TRAPPC9: variants seen among roughly 807,000 people sequenced by gnomAD.
The protein encoded by TRAPPC9 is IKK2 binding protein.
A neutral mutation model predicts 124.0 loss-of-function variants in TRAPPC9; 83 were observed. The observed-to-expected ratio is 0.67, with a 90% CI of 0.56 to 0.80. The LOEUF is 0.80. Ranked by LOEUF, TRAPPC9 falls within the 30% of genes least tolerant of loss-of-function variation. The pLI is 0.00. For missense variants in TRAPPC9, 1,302 were observed against 1,508.3 expected (o/e 0.86, Z 2.27); for synonymous variants, 638 against 617.5 (o/e 1.03, Z -0.49).
At chr8:140,056,618 G>T (rs926158465) in intron 17 of TRAPPC9, among the ~76,000 whole-genome samples, 4 of 151,534 alleles carry the variant, frequency 2.6e-5, no homozygotes, top group Admixed American at 2.0e-4. Context: ...ACAAGCAGAA[G>T]AATAAAATTG....
chr8:140,123,915 T>A (rs1290181982), intron 17 of TRAPPC9, among the ~76,000 whole-genome samples: 1 of 152,116 alleles, frequency 6.6e-6, no homozygotes, highest in African/African-American at 2.4e-5. Flanking sequence ...AGCCTCCAAA[T>A]CTCAGTGGCT....
At chr8:140,368,559 G>A (rs1001093124) in intron 8 of TRAPPC9, among the ~76,000 whole-genome samples, 4 of 152,140 alleles carry the variant, frequency 2.6e-5, no homozygotes, top group African/African-American at 7.2e-5. Flanking sequence ...TCTGCTTCAC[G>A]CAGGGCCTTA....
chr8:140,082,384 C>T (rs1328499989), intron 17 of TRAPPC9, among the ~76,000 whole-genome samples: 6 of 152,032 alleles, frequency 3.9e-5, no homozygotes, highest in Admixed American at 6.6e-5. Context: ...AATATAACTC[C>T]ATCCCAGCTT....
chr8:139,995,910 A>T (rs2131749542), intron 18 of TRAPPC9, among the ~76,000 whole-genome samples: 1 of 151,018 alleles, frequency 6.6e-6, no homozygotes, highest in East Asian at 1.9e-4. Flanking sequence ...CAGTATTCAA[A>T]CAAGATCCCA....
intron 10 of TRAPPC9, among the ~76,000 whole-genome samples, chr8:140,301,404 G>C (rs535167032): frequency 1.2e-4 from 18 of 152,314 alleles, no homozygotes; most frequent in African/African-American, 4.3e-4. Flanking sequence ...TTCTTAGTTT[G>C]GGTACTATTA....
chr8:140,402,522 C>A (rs1420155442), intron 6 of TRAPPC9, among the ~76,000 whole-genome samples: 1 of 151,832 alleles, frequency 6.6e-6, no homozygotes, highest in Non-Finnish European at 1.5e-5. Flanking sequence ...GGTAAAACCC[C>A]ATCTCTACAA....
At chr8:139,834,016 C>T (rs1397309338) in intron 21 of TRAPPC9, among the ~76,000 whole-genome samples, 2 of 152,298 alleles carry the variant, frequency 1.3e-5, no homozygotes, top group African/African-American at 4.8e-5. Context: ...CTACCAGCCA[C>T]GTGGCTTTGG....
chr8:140,261,784 G>C (rs939537443), intron 15 of TRAPPC9, among the ~76,000 whole-genome samples: 29 of 152,268 alleles, frequency 1.9e-4, no homozygotes, highest in Admixed American at 1.0e-3. Flanking sequence ...CCGCCCACCA[G>C]GCTTCCCCAT....
intron 17 of TRAPPC9, among the ~76,000 whole-genome samples, chr8:140,130,450 C>T (rs553348588): frequency 2.6e-4 from 40 of 152,232 alleles, no homozygotes; most frequent in Non-Finnish European, 5.1e-4. Context: ...CAGAACCTGA[C>T]TCTTGTCATG....
chr8:139,869,903 A>G (rs1026528020), intron 21 of TRAPPC9, among the ~76,000 whole-genome samples: 3 of 152,214 alleles, frequency 2.0e-5, no homozygotes, highest in African/African-American at 7.2e-5. Flanking sequence ...CATGGAAAAG[A>G]GTAGAAACAG....
At chr8:140,424,684 GAA>G (rs1409206149) in intron 5 of TRAPPC9, among the ~76,000 whole-genome samples, 1 of 149,366 alleles carries the variant, frequency 6.7e-6, no homozygotes, top group African/African-American at 2.5e-5. Flanking sequence ...AAAAACACAA[GAA>G]AAAAGAGTTT....
At chr8:140,383,198 C>T (rs931171993) in intron 7 of TRAPPC9, among the ~76,000 whole-genome samples, 4 of 152,190 alleles carry the variant, frequency 2.6e-5, no homozygotes, top group Admixed American at 2.6e-4. Flanking sequence ...GTAGAAAAAA[C>T]CACAAAGATG....
At chr8:139,806,260 T>C (rs1244794958) in intron 21 of TRAPPC9, 1 of 152,228 alleles carries the variant, frequency 6.6e-6, no homozygotes, top group Non-Finnish European at 1.5e-5. Flanking sequence ...GGTCACACAG[T>C]CTCCGCCCCT....
intron 7 of TRAPPC9, among the ~76,000 whole-genome samples, chr8:140,380,226 T>C (rs2068561625): frequency 6.6e-6 from 1 of 152,334 alleles, no homozygotes; most frequent in East Asian, 1.9e-4. Flanking sequence ...AGTGTGGTAC[T>C]GGCATAAGTA....
At chr8:139,939,511 C>A (rs895775361) in intron 19 of TRAPPC9, among the ~76,000 whole-genome samples, 2 of 151,566 alleles carry the variant, frequency 1.3e-5, no homozygotes, top group African/African-American at 2.4e-5. Context: ...AGTCCCCATT[C>A]CCAGGGCAGG....
At chr8:140,200,904 T>C (rs1232721799) in intron 17 of TRAPPC9, among the ~76,000 whole-genome samples, 1 of 152,214 alleles carries the variant, frequency 6.6e-6, no homozygotes, top group Non-Finnish European at 1.5e-5. Context: ...AAAACTGATA[T>C]GAGGGATACA....
intron 21 of TRAPPC9, among the ~76,000 whole-genome samples, chr8:139,871,120 T>G (rs768713022): frequency 1.3e-5 from 2 of 152,226 alleles, no homozygotes; most frequent in Non-Finnish European, 2.9e-5. Flanking sequence ...TGAATTTAAA[T>G]GCCAGCAAAG....
chr8:140,323,827 C>T (rs1333802010), intron 9 of TRAPPC9, among the ~76,000 whole-genome samples: 1 of 152,086 alleles, frequency 6.6e-6, no homozygotes. Context: ...ACACAAAACT[C>T]GATAAAAAAC....
chr8:139,921,888 C>A (rs550524312), intron 19 of TRAPPC9, among the ~76,000 whole-genome samples: 62 of 151,560 alleles, frequency 4.1e-4, no homozygotes, highest in African/African-American at 1.5e-3. Context: ...ACACCTGCCC[C>A]CCACTGCCAC....
Sources: allele counts gnomAD v4.1 joint callset (sites outside exome capture counted in the v4.1 genomes callset), GRCh38; gene constraint gnomAD v4.1.1; transcripts MANE v1.5; gene names NCBI Gene and HGNC (gene_info 2026-07-23, HGNC 2026-07-21).